Variants in NPAS3 observed in about 807,000 individuals in gnomAD.
The protein encoded by NPAS3 is neuronal PAS domain-containing protein 3.
In NPAS3, 14 loss-of-function variants were observed where a neutral mutation model predicts 73.1. The observed-to-expected ratio is 0.19, with a 90% CI of 0.13 to 0.30. The LOEUF is 0.30. NPAS3 is among the 10% of genes least tolerant of loss of function. The pLI, the probability that NPAS3 is intolerant of heterozygous loss-of-function variation, is 1.00. For missense variants in NPAS3, 1,096 were observed against 1,250.0 expected, an observed-to-expected ratio of 0.88 and a Z score of 1.86; for synonymous variants, 620 against 541.5, an observed-to-expected ratio of 1.14 and a Z score of -2.01.
chr14:33,258,892 C>G (rs1195821056), intron 3 of NPAS3, among the ~76,000 whole-genome samples: 1 of 152,204 alleles, frequency 6.6e-6, no homozygotes, highest in Non-Finnish European at 1.5e-5. Flanking sequence ...CTGCTCACTG[C>G]AAGCTCCGCC....
chr14:33,211,863 A>G (rs2047051605), intron 2 of NPAS3, among the ~76,000 whole-genome samples: 1 of 152,194 alleles, frequency 6.6e-6, no homozygotes, highest in South Asian at 2.1e-4. Flanking sequence ...ATTCAAATCT[A>G]AGTGCAAGAA....
intron 2 of NPAS3, among the ~76,000 whole-genome samples, chr14:33,113,607 C>T (rs1053484645): frequency 1.7e-4 from 26 of 152,124 alleles, no homozygotes; most frequent in African/African-American, 5.8e-4. Flanking sequence ...ATCATGTCAT[C>T]TGCAAACAGG....
At chr14:33,509,933 G>A (rs570290981) in intron 4 of NPAS3, among the ~76,000 whole-genome samples, 1 of 151,984 alleles carries the variant, frequency 6.6e-6, no homozygotes, top group Admixed American at 6.6e-5. Flanking sequence ...ATTTTTAAAC[G>A]GGGAACCTAG....
intron 4 of NPAS3, among the ~76,000 whole-genome samples, chr14:33,433,928 C>A (rs1037032291): frequency 6.6e-6 from 1 of 152,192 alleles, no homozygotes; most frequent in Non-Finnish European, 1.5e-5. Flanking sequence ...TGGTGGCTCA[C>A]GCCTGTAATC....
At chr14:33,043,731 A>G (rs2040416618) in intron 1 of NPAS3, among the ~76,000 whole-genome samples, 1 of 152,128 alleles carries the variant, frequency 6.6e-6, no homozygotes, top group Non-Finnish European at 1.5e-5. Context: ...GTTAAATATG[A>G]ACTAATTTTA....
chr14:33,787,620 A>G (rs2063218994), intron 9 of NPAS3, among the ~76,000 whole-genome samples: 1 of 152,014 alleles, frequency 6.6e-6, no homozygotes, highest in Admixed American at 6.6e-5. Flanking sequence ...AAAAAAACCT[A>G]AAAACCAATT....
At chr14:33,557,152 C>A (rs1054175150) in intron 4 of NPAS3, among the ~76,000 whole-genome samples, 1 of 148,582 alleles carries the variant, frequency 6.7e-6, no homozygotes, top group Non-Finnish European at 1.5e-5. Flanking sequence ...TCTCCCCTTG[C>A]ACTGCTTCAA....
At chr14:33,703,522 T>C (rs1350786243) in intron 6 of NPAS3, among the ~76,000 whole-genome samples, 3 of 152,092 alleles carry the variant, frequency 2.0e-5, no homozygotes. Flanking sequence ...CATTCATTTA[T>C]TCATTTATTC....
intron 3 of NPAS3, among the ~76,000 whole-genome samples, chr14:33,361,674 A>G (rs934707840): frequency 6.6e-6 from 1 of 152,212 alleles, no homozygotes; most frequent in African/African-American, 2.4e-5. Context: ...TAAAATTTCA[A>G]TTGCATTATT....
chr14:33,276,184 A>G lies in NPAS3; in HGVS notation c.385+60758A>G, dbSNP rs2041320452. Reference sequence around the variant, plus strand: ...AAGTAGGGTTAATTTGACCTGAGAAAGTTGATAAAGAGCTATGGATATACT... The same window carrying G: ...AAGTAGGGTTAATTTGACCTGAGAAGGTTGATAAAGAGCTATGGATATACT... On this transcript the variant is annotated intron_variant, in intron 3 of 11. Transcript: ENST00000356141. Among the ~76,000 whole-genome samples, 3 of 152,274 alleles carry G rather than the reference A, an allele frequency of 2.0e-5. No homozygotes were observed. In the South Asian group the frequency reaches 6.2e-4, roughly 32 times the overall value.
intron 2 of NPAS3, among the ~76,000 whole-genome samples, chr14:33,183,489 T>C (rs1364850518): frequency 1.4e-5 from 2 of 146,108 alleles, no homozygotes; most frequent in African/African-American, 5.1e-5. Flanking sequence ...TTTCATGTCT[T>C]GCTCTGTGTT....
intron 2 of NPAS3, among the ~76,000 whole-genome samples, chr14:33,069,708 C>T (rs2041415853): frequency 6.6e-6 from 1 of 152,050 alleles, no homozygotes; most frequent in South Asian, 2.1e-4. Flanking sequence ...AAATGCTTCC[C>T]CTGGAAGTGC....
chr14:33,255,133 C>A (rs951288085), intron 3 of NPAS3, among the ~76,000 whole-genome samples: 3 of 152,124 alleles, frequency 2.0e-5, no homozygotes, highest in Non-Finnish European at 2.9e-5. Flanking sequence ...TCTTTCCAAC[C>A]CTAGCATGTG....
rs1425236676 is a variant in NPAS3 at position 33,341,297 on chromosome 14, A to G, written c.386-25889A>G. Among the ~76,000 whole-genome samples, 4 of 152,326 alleles carry G rather than the reference A, an allele frequency of 2.6e-5. No individual in the cohort carries two copies. In the East Asian group the frequency reaches 7.7e-4, roughly 29 times the overall value. On this transcript the variant is annotated intron_variant, in intron 3 of 11. Coordinates refer to ENST00000356141, the Ensembl canonical transcript of NPAS3. Reference sequence around the variant, plus strand: ...TGGGTGTTTATAACTTGGCCATAAAAATTCTTTCCAGCCTGAAATCTAAAG... The same window carrying G: ...TGGGTGTTTATAACTTGGCCATAAAGATTCTTTCCAGCCTGAAATCTAAAG...
intron 3 of NPAS3, among the ~76,000 whole-genome samples, chr14:33,286,625 T>A (rs2041886264): frequency 6.6e-6 from 1 of 152,192 alleles, no homozygotes; most frequent in African/African-American, 2.4e-5. Flanking sequence ...TTTCTTGCTA[T>A]TATAAGTGAT....
intron 2 of NPAS3, among the ~76,000 whole-genome samples, chr14:33,095,054 C>T (rs971708659): frequency 5.9e-5 from 9 of 152,160 alleles, no homozygotes; most frequent in African/African-American, 7.2e-5. Context: ...AAGCAGTTAA[C>T]GTATACGTTG....
intron 3 of NPAS3, among the ~76,000 whole-genome samples, chr14:33,337,567 A>C (rs2044285040): frequency 6.6e-6 from 1 of 151,900 alleles, no homozygotes; most frequent in Non-Finnish European, 1.5e-5. Flanking sequence ...TCACTATTCT[A>C]GATTATTTGT....
At chr14:33,507,753 T>C in intron 4 of NPAS3, among the ~76,000 whole-genome samples, 1 of 152,056 alleles carries the variant, frequency 6.6e-6, no homozygotes, top group South Asian at 2.1e-4. Flanking sequence ...GTCTAATAAA[T>C]ATCAAGAGTT....
At chr14:33,413,249 T>G (rs2048007177) in intron 4 of NPAS3, among the ~76,000 whole-genome samples, 1 of 146,822 alleles carries the variant, frequency 6.8e-6, no homozygotes, top group Non-Finnish European at 1.5e-5. Context: ...TTTGTTCCTC[T>G]TTTTTTTTTT....
Sources: gnomAD v4.1 joint callset for allele counts (sites outside exome capture counted in the v4.1 genomes callset) on GRCh38, gnomAD v4.1.1 for gene constraint, MANE v1.5 for transcripts, NCBI Gene and HGNC (gene_info 2026-07-23, HGNC 2026-07-21) for gene names.